The following C3orf49 variants were observed in gnomAD, a reference collection of about 807,000 sequenced individuals.
The protein encoded by C3orf49 is chromosome 3 open reading frame 49.
A neutral mutation model predicts 13.3 loss-of-function variants in C3orf49; 27 were observed. The ratio of observed to expected loss-of-function variants is 2.02; its 90% confidence interval spans 1.49 to 2.79. The LOEUF is 2.79. Among genes scored for constraint, C3orf49 ranks in the 30% most tolerant of loss-of-function variants. The pLI, the probability that C3orf49 is intolerant of heterozygous loss-of-function variation, is 0.00. For synonymous variants in C3orf49, 87 were observed against 47.6 expected (o/e 1.83, Z -3.40); for missense variants, 242 against 134.2 (o/e 1.80, Z -3.97).
chr3:63,829,656 G>C (rs1701507948), intron 3 of C3orf49, among the ~76,000 whole-genome samples: 1 of 152,092 alleles, frequency 6.6e-6, no homozygotes, highest in Non-Finnish European at 1.5e-5. Context: ...CCCTCAGAAT[G>C]TTCTCAAAAA....
At chr3:63,821,954 A>C (rs1701400326) in intron 1 of C3orf49, among the ~76,000 whole-genome samples, 1 of 151,872 alleles carries the variant, frequency 6.6e-6, no homozygotes, top group African/African-American at 2.4e-5. Context: ...AAGAGCACAC[A>C]GAATCTCCCT....
At chr3:63,825,084 G>C (rs1356403256) in intron 2 of C3orf49, among the ~76,000 whole-genome samples, 1 of 152,014 alleles carries the variant, frequency 6.6e-6, no homozygotes, top group African/African-American at 2.4e-5. Context: ...GTGCAGTTCT[G>C]TGGGATTTGA....
chr3:63,836,312 A>G (rs775342136), intron 5 of C3orf49: 11 of 1,612,644 alleles, frequency 6.8e-6, no homozygotes, highest in Admixed American at 1.7e-5. Context: ...TTAATGTCTC[A>G]TGCCTGTCTG....
intron 5 of C3orf49, among the ~76,000 whole-genome samples, chr3:63,839,482 T>G (rs913289747): frequency 3.3e-5 from 5 of 152,194 alleles, no homozygotes; most frequent in Non-Finnish European, 5.9e-5. Flanking sequence ...AATAAACATA[T>G]GAGAGGCCTT....
intron 3 of C3orf49, among the ~76,000 whole-genome samples, chr3:63,828,307 T>G (rs902610087): frequency 1.3e-5 from 2 of 152,136 alleles, no homozygotes; most frequent in East Asian, 1.9e-4. Context: ...GTTTGTGTGT[T>G]TGTTTGTTTT....
chr3:63,831,025 T>A, intron 3 of C3orf49, 85 bp from the exon 4 acceptor site: 1 of 651,032 alleles, frequency 1.5e-6, no homozygotes, highest in Admixed American at 2.6e-5. Flanking sequence ...GATAATGTCC[T>A]AAGGGTGAGA....
intron 3 of C3orf49, among the ~76,000 whole-genome samples, 176 bp from the exon 4 acceptor site, chr3:63,830,934 A>G (rs1701524241): frequency 6.6e-6 from 1 of 152,204 alleles, no homozygotes; most frequent in African/African-American, 2.4e-5. Flanking sequence ...CTGGGCACAA[A>G]GAAGATACTT....
chr3:63,834,497 TA>T (rs1701588142), intron 5 of C3orf49, among the ~76,000 whole-genome samples: 1 of 151,666 alleles, frequency 6.6e-6, no homozygotes, highest in African/African-American at 2.4e-5. Flanking sequence ...CCGTCTCTAC[TA>T]AAAATACTAA....
At chr3:63,804,214 G>A in the C3orf49 span, among the ~76,000 whole-genome samples, 1 of 152,122 alleles carries the variant, frequency 6.6e-6, no homozygotes, top group Admixed American at 6.6e-5. Context: ...GCTGATACTG[G>A]TTTGTGGCCT....
chr3:63,837,276 T>C (rs1387327382), intron 5 of C3orf49, among the ~76,000 whole-genome samples: 3 of 151,996 alleles, frequency 2.0e-5, no homozygotes, highest in Non-Finnish European at 4.4e-5. Flanking sequence ...AAAATAACCA[T>C]TAACATTTTC....
At chr3:63,800,688 C>G in the C3orf49 span, among the ~76,000 whole-genome samples, 2 of 152,064 alleles carry the variant, frequency 1.3e-5, no homozygotes, top group African/African-American at 4.8e-5. Flanking sequence ...ATAGCTAATA[C>G]GTTAATATTG....
At chr3:63,824,608 G>A (rs1410584817) in intron 2 of C3orf49, among the ~76,000 whole-genome samples, 1 of 152,162 alleles carries the variant, frequency 6.6e-6, no homozygotes, top group Non-Finnish European at 1.5e-5. Context: ...GAAGGCCAAA[G>A]CGGTTGGATC....
At chr3:63,792,628 G>C in the C3orf49 span, among the ~76,000 whole-genome samples, 19 of 152,264 alleles carry the variant, frequency 1.2e-4, no homozygotes, top group South Asian at 3.9e-3. Flanking sequence ...TTTCCTGAGA[G>C]TCTATTATGA....
chr3:63,789,678 G>A, the C3orf49 span, among the ~76,000 whole-genome samples: 2 of 152,032 alleles, frequency 1.3e-5, no homozygotes, highest in Middle Eastern at 6.8e-3. Flanking sequence ...GGGTATGGTA[G>A]TGCACACCTG....
At chr3:63,797,022 T>A in the C3orf49 span, among the ~76,000 whole-genome samples, 3 of 152,130 alleles carry the variant, frequency 2.0e-5, no homozygotes, top group South Asian at 2.1e-4. Flanking sequence ...AATTTAAAAT[T>A]GGATATATCT....
At chr3:63,822,730 T>A (rs527730661) in intron 1 of C3orf49, among the ~76,000 whole-genome samples, 119 of 152,234 alleles carry the variant, frequency 7.8e-4, no homozygotes, top group Non-Finnish European at 1.5e-3. Context: ...GTTATCTAAA[T>A]GAGTGTTTTA....
the C3orf49 span, among the ~76,000 whole-genome samples, chr3:63,788,889 C>T: frequency 6.6e-6 from 1 of 152,062 alleles, no homozygotes; most frequent in Non-Finnish European, 1.5e-5. Flanking sequence ...TTGATCGACC[C>T]AGAGTAACAT....
chr3:63,807,006 C>T, the C3orf49 span, among the ~76,000 whole-genome samples: 1 of 151,730 alleles, frequency 6.6e-6, no homozygotes, highest in African/African-American at 2.4e-5. Context: ...GGTTGGAGTA[C>T]AGTGGCATGA....
At chr3:63,828,706 C>T (rs1473493420) in intron 3 of C3orf49, among the ~76,000 whole-genome samples, 1 of 152,142 alleles carries the variant, frequency 6.6e-6, no homozygotes, top group African/African-American at 2.4e-5. Flanking sequence ...AAGCTATGTT[C>T]CAAACTCTAA....
Sources: allele counts gnomAD v4.1 joint callset (sites outside exome capture counted in the v4.1 genomes callset), GRCh38; gene constraint gnomAD v4.1.1; transcripts MANE v1.5; gene names NCBI Gene and HGNC (gene_info 2026-07-23, HGNC 2026-07-21).